CFAP54: variants seen among roughly 807,000 people sequenced by gnomAD.
CFAP54 encodes the protein cilia and flagella associated protein 54, also known as cilia- and flagella-associated protein 54.
CFAP54 carries 290 observed loss-of-function variants against 370.4 expected under a neutral mutation model. That is an observed-to-expected ratio of 0.78 (90% CI 0.71 to 0.86). The LOEUF is 0.86. CFAP54 is among the 40% of genes least tolerant of loss of function. The probability of loss-of-function intolerance (pLI) is 0.00; values close to 1 mark genes in which losing one functional copy is unlikely to be tolerated. For missense variants in CFAP54, 3,399 were observed against 3,528.7 expected (o/e 0.96, Z 0.93); for synonymous variants, 1,206 against 1,236.5 (o/e 0.98, Z 0.52).
At chr12:96,542,410 T>C (rs554031845) in intron 14 of CFAP54, among the ~76,000 whole-genome samples, 8 of 152,366 alleles carry the variant, frequency 5.3e-5, no homozygotes, top group African/African-American at 1.9e-4. Context: ...AACACATTCA[T>C]TGGCCTCAGG....
chr12:96,825,245 A>G (rs185324430), intron 65 of CFAP54, among the ~76,000 whole-genome samples: 1,342 of 113,156 alleles, frequency 0.012, 9 homozygotes, highest in Non-Finnish European at 0.017. Flanking sequence ...CTAGGATCCT[A>G]GATATTATAT....
At chr12:96,866,563 C>A (rs1371896319) in intron 67 of CFAP54, among the ~76,000 whole-genome samples, 1 of 152,116 alleles carries the variant, frequency 6.6e-6, no homozygotes, top group Non-Finnish European at 1.5e-5. Context: ...CACCCTGAAC[C>A]ATCCCTTTAA....
At chr12:96,638,568 T>C (rs1450728837) in intron 32 of CFAP54, among the ~76,000 whole-genome samples, 1 of 152,158 alleles carries the variant, frequency 6.6e-6, no homozygotes, top group Admixed American at 6.5e-5. Context: ...AAAATTGTTT[T>C]CATTCTCATT....
intron 36 of CFAP54, among the ~76,000 whole-genome samples, chr12:96,652,757 T>G (rs1565929635): frequency 6.6e-6 from 1 of 151,990 alleles, no homozygotes; most frequent in Non-Finnish European, 1.5e-5. Flanking sequence ...AGAAGCACTC[T>G]GAATATAAAG....
At chr12:96,671,576 G>A (rs1202346932) in intron 39 of CFAP54, among the ~76,000 whole-genome samples, 1 of 152,186 alleles carries the variant, frequency 6.6e-6, no homozygotes, top group African/African-American at 2.4e-5. Flanking sequence ...ATGGTGGGGA[G>A]GGAGTATTTT....
At position 96,534,085 on chromosome 12, in the gene CFAP54, G is replaced by A; in HGVS notation, c.1563G>A (p.Lys521=). ...FLQRQDDPES[K]KAEKDLTLLI... ...AGAGGCAGGATGATCCAGAGTCAAA[G>A]AAAGCAGAGAAGGATTTAACTCTTC... The change falls in exon 11 of 68, where the codon AAG becomes AAA. Residue 521 remains lysine (K), a synonymous_variant. Transcript: ENST00000524981. 1 of 1,528,634 alleles carries A rather than the reference G, an allele frequency of 6.5e-7. No individual in the cohort carries two copies. The highest frequency in any genetic ancestry group is 2.5e-5 in the East Asian group (1 of 40,760). 94.7% of individuals were successfully genotyped at this position (1,528,634 alleles called of 1,614,324 possible). A position where few individuals can be genotyped will look rare whatever the true frequency, so the allele number is the denominator to read the frequency against.
intron 29 of CFAP54, among the ~76,000 whole-genome samples, chr12:96,626,169 A>C (rs572697342): frequency 3.8e-4 from 58 of 152,234 alleles, no homozygotes; most frequent in African/African-American, 1.3e-3. Context: ...AGATCACCTG[A>C]GGTCAGGAGT....
Position 96,765,211 on chromosome 12 carries a change from T to C in CFAP54, c.8274T>C (p.Tyr2758=), listed in dbSNP as rs762959919. The C allele has an allele frequency of 4.6e-6, 7 of 1,512,762 alleles. No individual in the cohort carries two copies. The African/African-American group carries it at 6.8e-5, about 15-fold the overall frequency. The allele number at this position is 1,512,762 out of a possible 1,614,324, so 93.7% of individuals were successfully genotyped here. ...ALDLLSSYTD[Y]LLDNYQVLFQ... The stretch of plus-strand genomic sequence containing the variant: ...ATCTTTTGTCTTCGTATACAGATTA[T>C]TTGCTTGGTATGTTTGGATGTCTAC... The change falls in exon 60 of 68, where the codon TAT becomes TAC. Residue 2758 remains tyrosine (Y), a synonymous_variant. Coordinates refer to ENST00000524981, the MANE Select transcript of CFAP54 (RefSeq NM_001306084.2).
At chr12:96,609,419 G>A (rs777832780) in intron 26 of CFAP54, among the ~76,000 whole-genome samples, 9 of 152,082 alleles carry the variant, frequency 5.9e-5, no homozygotes. Context: ...AATAAATTAG[G>A]AAAGGAAAGA....
At chr12:96,721,738 C>T (rs1294682653) in intron 50 of CFAP54, among the ~76,000 whole-genome samples, 1 of 151,974 alleles carries the variant, frequency 6.6e-6, no homozygotes, top group Non-Finnish European at 1.5e-5. Flanking sequence ...TATCAGTGGC[C>T]CAATACTCAT....
chr12:96,625,879 T>A (rs927784242), intron 29 of CFAP54, 72 bp downstream of exon 29: 1 of 1,206,166 alleles, frequency 8.3e-7, no homozygotes, highest in African/African-American at 1.5e-5. Context: ...GTGGATTTTG[T>A]TTCTGTTGTC....
intron 45 of CFAP54, among the ~76,000 whole-genome samples, chr12:96,698,143 A>T (rs539585774): frequency 2.6e-4 from 39 of 152,308 alleles, no homozygotes; most frequent in African/African-American, 8.9e-4. Context: ...TGAAACTTAG[A>T]TAAACATGCA....
chr12:96,655,804 A>G (rs1046106484), intron 36 of CFAP54, among the ~76,000 whole-genome samples: 49 of 152,162 alleles, frequency 3.2e-4, no homozygotes, highest in Non-Finnish European at 6.8e-4. Flanking sequence ...CTGTAAGGCA[A>G]TAAGGGAAAT....
chr12:96,853,934 T>C (rs1207989295), intron 66 of CFAP54, among the ~76,000 whole-genome samples: 1 of 151,896 alleles, frequency 6.6e-6, no homozygotes, highest in Admixed American at 6.6e-5. Flanking sequence ...AAATGCTCTA[T>C]TTGTATCTAG....
chr12:96,579,354 T>A (rs569392787), intron 20 of CFAP54, among the ~76,000 whole-genome samples: 24 of 152,182 alleles, frequency 1.6e-4, no homozygotes, highest in Non-Finnish European at 2.6e-4. Context: ...GAAATTCTAA[T>A]TCATTGAAGC....
At chr12:96,500,738 G>C in intron 1 of CFAP54, 96 bp from the exon 2 acceptor site, 1 of 730,302 alleles carries the variant, frequency 1.4e-6, no homozygotes, top group Non-Finnish European at 2.2e-6. Context: ...CATTGGAAAG[G>C]CTTTAGCATA....
chr12:96,552,246 C>CAAAAA (rs374756712), intron 15 of CFAP54, among the ~76,000 whole-genome samples: 1 of 40,972 alleles, frequency 2.4e-5, no homozygotes, highest in Non-Finnish European at 5.7e-5. Flanking sequence ...AACTACATCT[C>CAAAAA]AAAAAAAAAA....
intron 67 of CFAP54, among the ~76,000 whole-genome samples, chr12:96,869,644 G>C (rs910425347): frequency 6.6e-6 from 1 of 152,112 alleles, no homozygotes; most frequent in East Asian, 1.9e-4. Flanking sequence ...TAAGAAAATA[G>C]ATTATTATGG....
At chr12:96,646,567 A>G (rs1956794727) in intron 33 of CFAP54, 1 of 152,246 alleles carries the variant, frequency 6.6e-6, no homozygotes, top group Non-Finnish European at 1.5e-5. Flanking sequence ...ATCTAGAACT[A>G]GAAATACCAT....
Sources: allele counts gnomAD v4.1 joint callset (sites outside exome capture counted in the v4.1 genomes callset), GRCh38; gene constraint gnomAD v4.1.1; transcripts MANE v1.5; gene names NCBI Gene and HGNC (gene_info 2026-07-23, HGNC 2026-07-21).